The following CHST11 variants were observed in gnomAD, a reference collection of about 807,000 sequenced individuals.
The protein encoded by CHST11 is carbohydrate sulfotransferase 11.
Under a neutral mutation model 30.4 loss-of-function variants are expected in CHST11, and 9 were observed. The ratio of observed to expected loss-of-function variants is 0.30; its 90% CI spans 0.18 to 0.52. The LOEUF (loss-of-function observed/expected upper bound fraction) is 0.52. Ranked by LOEUF, CHST11 falls within the 20% of genes least tolerant of loss-of-function variation. The probability of loss-of-function intolerance (pLI) is 0.97; values close to 1 mark genes in which losing one functional copy is unlikely to be tolerated. For missense variants in CHST11, 348 were observed against 460.6 expected, an observed-to-expected ratio of 0.76 and a Z score of 2.24; for synonymous variants, 152 against 187.8, an observed-to-expected ratio of 0.81 and a Z score of 1.56.
intron 1 of CHST11, among the ~76,000 whole-genome samples, chr12:104,466,412 T>C (rs920030271): frequency 1.3e-5 from 2 of 152,190 alleles, no homozygotes; most frequent in Non-Finnish European, 2.9e-5. Flanking sequence ...CAAGAACAAA[T>C]TGATGGCAAA....
intron 1 of CHST11, among the ~76,000 whole-genome samples, chr12:104,545,821 T>TGC (rs2038341207): frequency 9.3e-6 from 1 of 107,090 alleles, no homozygotes; most frequent in Non-Finnish European, 2.0e-5. Flanking sequence ...CTCTCTCTCT[T>TGC]GCTCTCTGTC....
intron 2 of CHST11, among the ~76,000 whole-genome samples, chr12:104,710,264 G>A (rs1296877667): frequency 7.9e-5 from 12 of 152,204 alleles, no homozygotes; most frequent in African/African-American, 1.9e-4. Context: ...CTGGCCTGTG[G>A]CTGCAGCGAG....
At chr12:104,664,242 A>AGCT (rs1194919489) in intron 2 of CHST11, among the ~76,000 whole-genome samples, 1 of 152,204 alleles carries the variant, frequency 6.6e-6, no homozygotes, top group Non-Finnish European at 1.5e-5. Flanking sequence ...CGGCGGGAAC[A>AGCT]TTTTTAAAAA....
At chr12:104,704,997 A>C (rs2040020568) in intron 2 of CHST11, among the ~76,000 whole-genome samples, 1 of 152,200 alleles carries the variant, frequency 6.6e-6, no homozygotes, top group African/African-American at 2.4e-5. Flanking sequence ...GTTGAGAAAC[A>C]AAAAGCATGG....
chr12:104,689,377 C>A (rs1015142725), intron 2 of CHST11, among the ~76,000 whole-genome samples: 14 of 152,198 alleles, frequency 9.2e-5, no homozygotes, highest in Non-Finnish European at 1.8e-4. Context: ...TATCCCATAG[C>A]AGGCAGACGC....
At chr12:104,613,389 C>A (rs11112135) in intron 2 of CHST11, among the ~76,000 whole-genome samples, 1 of 152,054 alleles carries the variant, frequency 6.6e-6, no homozygotes, top group South Asian at 2.1e-4. Context: ...CCTGGGGGGA[C>A]TGATATGGTT....
Position 104,755,871 on chromosome 12 carries a change from T to C in CHST11, c.205-1078T>C, listed in dbSNP as rs143214312. 1.9e-3 allele frequency among the ~76,000 whole-genome samples: 283 copies of C among 151,868 alleles called. 2 individuals are homozygous for C. Among genetic ancestry groups the C allele is most frequent in the African/African-American group, 6.1e-3 (251 of 41,370 alleles). On this transcript the variant is annotated intron_variant, in intron 2 of 2. Coordinates refer to ENST00000303694, the MANE Select transcript of CHST11 (RefSeq NM_018413.6). ...CAGATGGGCCCAGCCTAAGGAACGC[T>C]TGCGGCAAAGAGGAAAGAGTGAATC... is the stretch of plus-strand genomic sequence containing the variant.
At chr12:104,554,111 A>C (rs962144824) in intron 1 of CHST11, among the ~76,000 whole-genome samples, 7 of 152,164 alleles carry the variant, frequency 4.6e-5, no homozygotes, top group Non-Finnish European at 8.8e-5. Context: ...TTATAATCTT[A>C]TATAATGTAA....
At chr12:104,716,589 C>T (rs2040133354) in intron 2 of CHST11, among the ~76,000 whole-genome samples, 1 of 152,228 alleles carries the variant, frequency 6.6e-6, no homozygotes, top group Admixed American at 6.5e-5. Flanking sequence ...AGGGGATGGC[C>T]TGTCTTCTTC....
intron 1 of CHST11, among the ~76,000 whole-genome samples, chr12:104,488,200 T>C (rs1222983683): frequency 6.6e-6 from 1 of 152,194 alleles, no homozygotes; most frequent in Non-Finnish European, 1.5e-5. Context: ...GAATTGGCTT[T>C]GCACATGGGA....
At chr12:104,519,635 C>T (rs539256350) in intron 1 of CHST11, among the ~76,000 whole-genome samples, 13 of 152,302 alleles carry the variant, frequency 8.5e-5, no homozygotes, top group Admixed American at 5.2e-4. Flanking sequence ...TGCCTCCCAG[C>T]GAAGTGACCC....
At chr12:104,739,163 G>A (rs1176371223) in intron 2 of CHST11, among the ~76,000 whole-genome samples, 1 of 152,204 alleles carries the variant, frequency 6.6e-6, no homozygotes, top group Non-Finnish European at 1.5e-5. Context: ...GAGCAGGCCT[G>A]AGCGTTCTCT....
chr12:104,627,798 GT>G (rs1566014242), intron 2 of CHST11, among the ~76,000 whole-genome samples: 2 of 132,658 alleles, frequency 1.5e-5, no homozygotes, highest in African/African-American at 5.3e-5. Flanking sequence ...GATGATGATG[GT>G]GGTGGTGGAG....
intron 1 of CHST11, among the ~76,000 whole-genome samples, chr12:104,485,577 T>C (rs2037669374): frequency 1.1e-5 from 1 of 88,414 alleles, no homozygotes; most frequent in African/African-American, 6.0e-5. Flanking sequence ...GGTTGTTCAA[T>C]GTCTGTGTGC....
intron 2 of CHST11, among the ~76,000 whole-genome samples, chr12:104,724,706 T>A (rs965836687): frequency 6.6e-6 from 1 of 152,094 alleles, no homozygotes; most frequent in Admixed American, 6.5e-5. Context: ...AGTCTTTCCC[T>A]CCACCGGTGG....
chr12:104,718,076 G>A (rs1337930242), intron 2 of CHST11, among the ~76,000 whole-genome samples: 1 of 152,222 alleles, frequency 6.6e-6, no homozygotes, highest in Non-Finnish European at 1.5e-5. Context: ...TTCAGCAGCG[G>A]CCCCACTCCT....
chr12:104,653,535 T>A (rs1056008400), intron 2 of CHST11, among the ~76,000 whole-genome samples: 1 of 152,130 alleles, frequency 6.6e-6, no homozygotes, highest in Non-Finnish European at 1.5e-5. Context: ...TCCGAGTACC[T>A]GAGAGGAAAG....
At chr12:104,735,792 G>A (rs60350279) in intron 2 of CHST11, among the ~76,000 whole-genome samples, 2 of 152,208 alleles carry the variant, frequency 1.3e-5, no homozygotes, top group African/African-American at 2.4e-5. Context: ...AGGCATCTGC[G>A]CTTTCCATGG....
chr12:104,574,058 A>G (rs572787139), intron 1 of CHST11, among the ~76,000 whole-genome samples: 2 of 152,382 alleles, frequency 1.3e-5, no homozygotes, highest in South Asian at 4.1e-4. Flanking sequence ...AAGGATATGA[A>G]CAGACACTTC....
Sources: gnomAD v4.1 joint callset for allele counts (sites outside exome capture counted in the v4.1 genomes callset) on GRCh38, gnomAD v4.1.1 for gene constraint, MANE v1.5 for transcripts, NCBI Gene and HGNC (gene_info 2026-07-23, HGNC 2026-07-21) for gene names.